The following SLC12A3 variants were observed in gnomAD, a reference collection of about 807,000 sequenced individuals.
SLC12A3 encodes Na-Cl cotransporter.
A neutral mutation model predicts 121.0 loss-of-function variants in SLC12A3; 104 were observed. That is an observed-to-expected ratio of 0.86 (90% CI 0.73 to 1.01). The LOEUF (loss-of-function observed/expected upper bound fraction) is 1.01, where lower values mean the gene tolerates loss of function less well. SLC12A3 is among the 50% of genes least tolerant of loss of function. The pLI, the probability that SLC12A3 is intolerant of heterozygous loss-of-function variation, is 0.00. For missense variants in SLC12A3, 1,328 were observed against 1,356.3 expected (o/e 0.98, Z 0.33); for synonymous variants, 536 against 533.4 (o/e 1.00, Z -0.07).
chr16:56,869,711 T>G lies in SLC12A3; in HGVS notation c.506-18T>G, dbSNP rs1369508042. ...CCCTTGGGAAATGCCCTGCCTAAGC[T>G]TTGGGTGCCCCCTGCAGTCCTGACC... On this transcript the variant is annotated intron_variant, in intron 3 of 25. Coordinates refer to ENST00000563236, the MANE Select transcript of SLC12A3 (RefSeq NM_001126108.2). The G allele has an allele frequency of 1.2e-6, 2 of 1,611,888 alleles. No individual in the cohort carries two copies. Among genetic ancestry groups the G allele is most frequent in the African/African-American group, 2.7e-5 (2 of 74,864 alleles).
At chr16:56,910,731 G>C (rs1398092467) in intron 25 of SLC12A3, among the ~76,000 whole-genome samples, 7 of 152,238 alleles carry the variant, frequency 4.6e-5, no homozygotes, top group Admixed American at 3.3e-4. Context: ...GGGTCTTGCA[G>C]ACAGGAAGTG....
At chr16:56,874,134 G>A (rs1469566140) in intron 8 of SLC12A3, among the ~76,000 whole-genome samples, 1 of 152,258 alleles carries the variant, frequency 6.6e-6, no homozygotes, top group Non-Finnish European at 1.5e-5. Context: ...TCTGGAGAAC[G>A]GAGACTTGCC....
intron 19 of SLC12A3, 112 bp downstream of exon 19, chr16:56,890,468 G>T: frequency 8.2e-6 from 7 of 851,344 alleles, no homozygotes; most frequent in Non-Finnish European, 9.7e-6. Context: ...ATAGAAAGTC[G>T]CCTCTTAATG....
chr16:56,894,668 G>T, intron 22 of SLC12A3, 26 bp downstream of exon 22: 1 of 1,548,132 alleles, frequency 6.5e-7, no homozygotes. Flanking sequence ...TGGCCTGGGG[G>T]TGACTGCAGG....
intron 22 of SLC12A3, among the ~76,000 whole-genome samples, chr16:56,895,665 C>T (rs1010784747): frequency 1.3e-5 from 2 of 151,970 alleles, no homozygotes; most frequent in Non-Finnish European, 2.9e-5. Flanking sequence ...GGACTGGTTT[C>T]GTGGAAGACA....
At chr16:56,910,692 A>C (rs1412314889) in intron 25 of SLC12A3, among the ~76,000 whole-genome samples, 2 of 152,194 alleles carry the variant, frequency 1.3e-5, no homozygotes, top group African/African-American at 2.4e-5. Context: ...ATGAGGAAGC[A>C]GCTTCAGAGA....
In SLC12A3 at chr16:56,869,719, C is replaced by T; in HGVS notation, c.506-10C>T. On this transcript the variant is annotated splice_polypyrimidine_tract_variant and intron_variant, in intron 3 of 25. Coordinates refer to ENST00000563236, the MANE Select transcript of SLC12A3 (RefSeq NM_001126108.2). Reference sequence around the variant, plus strand: ...AAATGCCCTGCCTAAGCTTTGGGTGCCCCCTGCAGTCCTGACCTGGATCAT... The same window carrying T: ...AAATGCCCTGCCTAAGCTTTGGGTGTCCCCTGCAGTCCTGACCTGGATCAT... 1 of 1,612,288 alleles carries T rather than the reference C, an allele frequency of 6.2e-7. No individual in the cohort carries two copies. The highest frequency in any genetic ancestry group is 1.7e-5 in the Admixed American group (1 of 59,992).
In SLC12A3 at chr16:56,893,966, TTTTATTTTATTTA is replaced by T. The variant is rs1483803322; in HGVS notation, c.2522-557_2522-545del. Among the ~76,000 whole-genome samples the T allele has an allele frequency of 5.2e-3, 555 of 106,638 alleles. 5 individuals carry two copies. The highest frequency in any genetic ancestry group is 0.022 in the African/African-American group (530 of 24,190). The allele number at this position is 106,638 out of a possible 152,430, so 70.0% of individuals were successfully genotyped here. A position where few individuals can be genotyped will look rare whatever the true frequency, so the allele number is the denominator to read the frequency against. On this transcript the variant is annotated intron_variant, in intron 21 of 25. Transcript: ENST00000563236. The stretch of plus-strand genomic sequence containing the variant: ...CTAATTTTTGTATTTTTATTTTTAT[TTTTATTTTATTTA>T]TTTATTTATTTATTTATTTATTTAT...
chr16:56,908,722 GA>G lies in SLC12A3; in HGVS notation c.2924+4261del, dbSNP rs60132091. ...AAAGAAAGTGCCCCGTGTTTCCTTG[GA>G]GAACAGTGATAAGGAAAGGGGCTGG... On this transcript the variant is annotated intron_variant, in intron 25 of 25. Transcript: ENST00000563236. 8.8e-3 allele frequency among the ~76,000 whole-genome samples: 1,347 copies of G among 152,254 alleles called. 22 individuals carry two copies. Among genetic ancestry groups the G allele is most frequent in the African/African-American group, 0.031 (1,271 of 41,544 alleles).
Position 56,913,567 on chromosome 16 carries a change from G to T in SLC12A3, c.*162G>T. 1 of 762,702 alleles carries T rather than the reference G, an allele frequency of 1.3e-6. No individual in the cohort carries two copies. Among genetic ancestry groups the T allele is most frequent in the Non-Finnish European group, 2.3e-6 (1 of 433,008 alleles). 47.2% of individuals were successfully genotyped at this position (762,702 alleles called of 1,614,324 possible). ...GATGGTAGATTTCCAAATCTGGCTG[G>T]ACTCCACTTCCATGGGACACATTCC... On this transcript the variant is annotated 3_prime_UTR_variant, in exon 26 of 26. Coordinates refer to ENST00000563236, the MANE Select transcript of SLC12A3 (RefSeq NM_001126108.2).
chr16:56,878,987 AC>A, intron 9 of SLC12A3, 85 bp from the exon 10 acceptor site: 1 of 1,494,164 alleles, frequency 6.7e-7, no homozygotes, highest in Non-Finnish European at 9.1e-7. Context: ...CATCTGCAGC[AC>A]CTCGCCCTCT....
At chr16:56,888,075 G>A (rs745806127) in intron 18 of SLC12A3, 44 bp downstream of exon 18, 3 of 1,424,504 alleles carry the variant, frequency 2.1e-6, no homozygotes, top group Non-Finnish European at 2.0e-6. Context: ...GTTAATTTGG[G>A]CCCATTGGGC....
rs776296772 is a variant in SLC12A3 at position 56,872,692 on chromosome 16, G to A, written c.1001G>A (p.Arg334Gln). The stretch of plus-strand genomic sequence containing the variant: ...GTCCAGAACTTGGTGCCTGACTGGC[G>A]GGGTCCAGATGGCACCTTCTTCGGA... ...IFVQNLVPDW[R>Q]GPDGTFFGMF... is the part of the protein sequence containing the mutation. The change falls in exon 8 of 26, where the codon CGG becomes CAG. Residue 334 changes from arginine to glutamine, a missense_variant. Physicochemically the swap from Arg to Gln is conservative, Grantham distance 43. Transcript: ENST00000563236. 15 of 1,614,096 alleles carry A rather than the reference G, an allele frequency of 9.3e-6. No homozygotes were observed. Among genetic ancestry groups the A allele is most frequent in the Admixed American group, 3.3e-5 (2 of 60,008 alleles).
intron 15 of SLC12A3, 110 bp from the exon 16 acceptor site, chr16:56,886,254 T>G: frequency 1.3e-6 from 1 of 751,234 alleles, no homozygotes; most frequent in Non-Finnish European, 2.3e-6. Flanking sequence ...GCATGTAGGG[T>G]CATGCTGGTG....
intron 25 of SLC12A3, chr16:56,904,864 C>T (rs2055586076): frequency 3.0e-6 from 1 of 338,922 alleles, no homozygotes; most frequent in Non-Finnish European, 5.8e-6. Flanking sequence ...ATGTTGGTTC[C>T]AAGCCTGAGC....
intron 25 of SLC12A3, among the ~76,000 whole-genome samples, chr16:56,908,497 C>T (rs2055639581): frequency 6.6e-6 from 1 of 151,870 alleles, no homozygotes; most frequent in African/African-American, 2.4e-5. Context: ...CTGCCGCTTG[C>T]AACATTTTCT....
Position 56,867,361 on chromosome 16 carries a change from TAGACAA to T in SLC12A3, c.429+146_429+151del, listed in dbSNP as rs1363539919. The T allele has an allele frequency of 1.1e-5, 9 of 856,376 alleles. No individual in the cohort carries two copies. The East Asian group carries it at 2.4e-4, about 23-fold the overall frequency. 53.0% of individuals were successfully genotyped at this position (856,376 alleles called of 1,614,324 possible). A position where few individuals can be genotyped will look rare whatever the true frequency, so the allele number is the denominator to read the frequency against. On this transcript the variant is annotated intron_variant, in intron 2 of 25. Transcript: ENST00000563236. ...TGAATTCAATGAGTTAATAGATCAA[TAGACAA>T]TAGATTAAAGCCTGCCGGGGAGTAA... is the stretch of plus-strand genomic sequence containing the variant.
intron 23 of SLC12A3, 53 bp downstream of exon 23, chr16:56,899,669 A>T (rs1196745568): frequency 2.3e-6 from 3 of 1,307,220 alleles, no homozygotes; most frequent in Non-Finnish European, 3.3e-6. Flanking sequence ...GTGCCTGGAG[A>T]CCCCTCTGCC....
intron 22 of SLC12A3, among the ~76,000 whole-genome samples, chr16:56,896,394 C>T (rs950868492): frequency 2.2e-4 from 33 of 152,156 alleles, no homozygotes; most frequent in Admixed American, 2.0e-3. Context: ...CCTGGTTTAT[C>T]GACATGGGTT....
Sources: gnomAD v4.1 joint callset for allele counts (sites outside exome capture counted in the v4.1 genomes callset) on GRCh38, gnomAD v4.1.1 for gene constraint, MANE v1.5 for transcripts, NCBI Gene and HGNC (gene_info 2026-07-23, HGNC 2026-07-21) for gene names.